Variants in DOCK10 observed in about 807,000 individuals in gnomAD.
The protein encoded by DOCK10 is dedicator of cytokinesis protein 10.
Under a neutral mutation model 280.1 loss-of-function variants are expected in DOCK10, and 145 were observed. The ratio of observed to expected loss-of-function variants is 0.52; its 90% CI spans 0.45 to 0.59. The LOEUF (loss-of-function observed/expected upper bound fraction) is 0.59. Ranked by LOEUF, DOCK10 falls within the 20% of genes least tolerant of loss-of-function variation. The pLI is 0.00. For synonymous variants in DOCK10, 915 were observed against 942.2 expected (o/e 0.97, Z 0.53); for missense variants, 2,368 against 2,651.7 (o/e 0.89, Z 2.35).
intron 1 of DOCK10, among the ~76,000 whole-genome samples, chr2:225,025,021 T>C (rs1689883069): frequency 6.6e-6 from 1 of 152,246 alleles, no homozygotes; most frequent in Non-Finnish European, 1.5e-5. Context: ...GTGTATTTCA[T>C]AAAATTAATT....
chr2:225,035,160 A>T (rs1690186476), intron 1 of DOCK10, among the ~76,000 whole-genome samples: 1 of 152,152 alleles, frequency 6.6e-6, no homozygotes, highest in South Asian at 2.1e-4. Context: ...AGGCTCTGAC[A>T]TTTCCAATAC....
intron 3 of DOCK10, among the ~76,000 whole-genome samples, chr2:224,902,909 C>T (rs147742888): frequency 0.012 from 1,883 of 151,792 alleles, 14 homozygotes; most frequent in Non-Finnish European, 0.019. Context: ...CTGGCTAACA[C>T]AGTGAAACCC....
chr2:224,911,997 CAAT>C (rs202032810), intron 3 of DOCK10, among the ~76,000 whole-genome samples: 1 of 151,852 alleles, frequency 6.6e-6, no homozygotes, highest in African/African-American at 2.4e-5. Flanking sequence ...CAAACTAAAA[CAAT>C]AATAATAATA....
Position 224,778,144 on chromosome 2 carries a change from G to A in DOCK10, c.5796C>T (p.Ser1932=). Residue 1932 remains serine (S), a synonymous_variant, in exon 51 of 56, where the codon TCC becomes TCT. Transcript: ENST00000258390. ...AATACTGATTTTCCTCTACCTTGTT[G>A]GAATCCTGGATTATCTTCACATTGT... The part of the protein sequence containing the change: ...GADNVKIIQD[S]NKVNPKDLDP... 1 of 1,612,936 alleles carries A rather than the reference G, an allele frequency of 6.2e-7. No individual in the cohort carries two copies. The highest frequency in any genetic ancestry group is 8.5e-7 in the Non-Finnish European group (1 of 1,179,374).
chr2:224,896,185 G>C lies in DOCK10; in HGVS notation c.416+110C>G. 3 of 588,288 alleles carry C rather than the reference G, an allele frequency of 5.1e-6. No homozygotes were observed. In the South Asian group the frequency reaches 9.7e-5, roughly 19 times the overall value. 36.4% of individuals were successfully genotyped at this position (588,288 alleles called of 1,614,324 possible). A position where few individuals can be genotyped will look rare whatever the true frequency, so the allele number is the denominator to read the frequency against. On this transcript the variant is annotated intron_variant, in intron 4 of 55. Transcript: ENST00000258390. ...CTTACTTATACATTTTGGAAAATGT[G>C]CCTTGACAGAAGATTAATGTACGTG...
At chr2:224,973,898 G>A (rs2126219642) in intron 1 of DOCK10, among the ~76,000 whole-genome samples, 1 of 152,286 alleles carries the variant, frequency 6.6e-6, no homozygotes, top group South Asian at 2.1e-4. Flanking sequence ...GGGCTGGCAT[G>A]TGGCATTTTC....
At chr2:224,884,395 T>G (rs1212070028) in intron 7 of DOCK10, among the ~76,000 whole-genome samples, 1 of 152,202 alleles carries the variant, frequency 6.6e-6, no homozygotes, top group Non-Finnish European at 1.5e-5. Flanking sequence ...ACTTCTCTAC[T>G]GGCCTGTGAC....
Position 224,936,300 on chromosome 2 carries a change from T to A in DOCK10, c.124-4632A>T, listed in dbSNP as rs1052557631. ...GCTTTTCTTTTTGGAAAACACGAAG[T>A]GGCTGGAGTTCATGATCAAGATGGC... On this transcript the variant is annotated intron_variant, in intron 1 of 55. Transcript: ENST00000258390. 7.9e-5 allele frequency among the ~76,000 whole-genome samples: 12 copies of A among 152,126 alleles called. No individual in the cohort carries two copies. In the East Asian group the frequency reaches 2.3e-3, roughly 29 times the overall value.
intron 18 of DOCK10, 25 bp from the exon 19 acceptor site, chr2:224,849,624 C>T (rs769624973): frequency 6.7e-7 from 1 of 1,486,652 alleles, no homozygotes; most frequent in African/African-American, 1.4e-5. Flanking sequence ...ATGAGTTGAA[C>T]AATTATGAGT....
chr2:225,035,542 TTATATATATATATATA>T lies in DOCK10; in HGVS notation c.123+6694_123+6709del, dbSNP rs57424275. 5.9e-3 allele frequency among the ~76,000 whole-genome samples: 295 copies of T among 50,018 alleles called. 8 individuals are homozygous for T. Among genetic ancestry groups the T allele is most frequent in the South Asian group, 0.037 (44 of 1,194 alleles). 32.8% of individuals were successfully genotyped at this position (50,018 alleles called of 152,430 possible). ...TAGATCTTATATGATATGATATATA[TTATATATATATATATA>T]TATATATATATATATATATATATAT... is the stretch of plus-strand genomic sequence containing the variant. On this transcript the variant is annotated intron_variant, in intron 1 of 55. Transcript: ENST00000258390.
chr2:225,011,701 C>T (rs773607977), intron 1 of DOCK10, among the ~76,000 whole-genome samples: 1 of 152,184 alleles, frequency 6.6e-6, no homozygotes, highest in Non-Finnish European at 1.5e-5. Context: ...GAAAGGAAGA[C>T]GTTGGGGCTT....
At chr2:224,995,372 A>G (rs1191352802) in intron 1 of DOCK10, among the ~76,000 whole-genome samples, 1 of 152,250 alleles carries the variant, frequency 6.6e-6, no homozygotes, top group Admixed American at 6.5e-5. Context: ...ACTGCCACAC[A>G]CAAATTATAT....
rs1157596070 is a variant in DOCK10, at chr2:224,876,148, G to A, written c.821C>T (p.Thr274Ile). ...GATCCATTCATCCATATCTGACTCT[G>A]TTTCAGCTGCCAGCACAAAATAGGT... ...DLTYFVLAAE[T>I]ESDMDEWIHT... Residue 274 changes from threonine to isoleucine, a missense_variant, in exon 8 of 56, where the codon ACA becomes ATA. Thr to Ile is a moderately conservative substitution (Grantham distance 89, BLOSUM62 -1). Transcript: ENST00000258390. 6.2e-7 allele frequency: 1 copy of A among 1,613,546 alleles called. No homozygotes were observed. The highest frequency in any genetic ancestry group is 1.3e-5 in the African/African-American group (1 of 74,850).
At chr2:224,795,245 T>C (rs559034594) in intron 44 of DOCK10, 151 bp from the exon 45 acceptor site, 13 of 661,222 alleles carry the variant, frequency 2.0e-5, no homozygotes, top group Middle Eastern at 3.2e-4. Context: ...GTGCATTCTA[T>C]GTTTTGTGAC....
At chr2:224,797,682 G>C (rs1692679297) in intron 42 of DOCK10, 150 bp downstream of exon 42, 3 of 844,512 alleles carry the variant, frequency 3.6e-6, no homozygotes, top group South Asian at 4.0e-5. Context: ...CTCATTTTGA[G>C]ACCAGGAATC....
At chr2:224,766,238 GA>G (rs1690073044) in intron 55 of DOCK10, among the ~76,000 whole-genome samples, 1 of 152,150 alleles carries the variant, frequency 6.6e-6, no homozygotes. Context: ...AAAAAGTCTT[GA>G]CCTGATTTTA....
At chr2:224,971,922 G>A (rs959586103) in intron 1 of DOCK10, among the ~76,000 whole-genome samples, 2 of 152,040 alleles carry the variant, frequency 1.3e-5, no homozygotes, top group African/African-American at 2.4e-5. Flanking sequence ...CATAATAATA[G>A]TTTGGATATA....
intron 3 of DOCK10, among the ~76,000 whole-genome samples, chr2:224,906,272 T>C (rs1011402611): frequency 2.0e-5 from 3 of 152,182 alleles, no homozygotes; most frequent in Non-Finnish European, 2.9e-5. Context: ...GCACCTGGAC[T>C]ATTAAAACAA....
In DOCK10 at chr2:224,777,787, C is replaced by T. The variant is rs76915755; in HGVS notation, c.5802+351G>A. 4.0e-3 allele frequency among the ~76,000 whole-genome samples: 615 copies of T among 152,300 alleles called. 6 individuals carry two copies. In the East Asian group the frequency reaches 0.041, roughly 10 times the overall value. ...TTCCTCTAGAGAACCCTGACTAATA[C>T]GCCTGGGAAGACTTCCTTAACTGAA... On this transcript the variant is annotated intron_variant, in intron 51 of 55. Transcript: ENST00000258390.
Sources: allele counts gnomAD v4.1 joint callset (sites outside exome capture counted in the v4.1 genomes callset), GRCh38; gene constraint gnomAD v4.1.1; transcripts MANE v1.5; gene names NCBI Gene and HGNC (gene_info 2026-07-23, HGNC 2026-07-21).